The following PCMT1 variants were observed in gnomAD, a reference collection of about 807,000 sequenced individuals.
The protein encoded by PCMT1 is protein-L-isoaspartate(D-aspartate) O-methyltransferase.
Under a neutral mutation model 29.2 loss-of-function variants are expected in PCMT1, and 9 were observed. That is an observed-to-expected ratio of 0.31 (90% confidence interval 0.19 to 0.54). The LOEUF (loss-of-function observed/expected upper bound fraction) is 0.54. Ranked by LOEUF, PCMT1 falls within the 20% of genes least tolerant of loss-of-function variation. The probability of loss-of-function intolerance (pLI) is 0.95; values close to 1 mark genes in which losing one functional copy is unlikely to be tolerated. For synonymous variants in PCMT1, 98 were observed against 97.5 expected (o/e 1.00, Z -0.03); for missense variants, 184 against 282.2 (o/e 0.65, Z 2.49).
At chr6:149,806,849 C>T (rs1397037093) in intron 7 of PCMT1, among the ~76,000 whole-genome samples, 1 of 152,180 alleles carries the variant, frequency 6.6e-6, no homozygotes, top group East Asian at 1.9e-4. Context: ...ACCTCAGCCT[C>T]CCAAAGTGCT....
chr6:149,785,884 G>A (rs1356391765), intron 3 of PCMT1, among the ~76,000 whole-genome samples: 1 of 152,150 alleles, frequency 6.6e-6, no homozygotes, highest in East Asian at 1.9e-4. Flanking sequence ...CCACAAAGCC[G>A]CCATTGTCAT....
chr6:149,785,692 C>G (rs1788007677), intron 3 of PCMT1, among the ~76,000 whole-genome samples: 1 of 151,958 alleles, frequency 6.6e-6, no homozygotes, highest in Admixed American at 6.6e-5. Context: ...TGAGTGGACA[C>G]AGCACTTGTT....
rs11540596 is a variant in PCMT1, at chr6:149,771,221, C to A, written c.115C>A (p.His39Asn). 6.2e-7 allele frequency: 1 copy of A among 1,612,624 alleles called. No individual in the cohort carries two copies. Among genetic ancestry groups the A allele is most frequent in the Non-Finnish European group, 8.5e-7 (1 of 1,178,814 alleles). ...FEVMLATDRS[H>N]YAKCNPYMDS... is the part of the protein sequence containing the mutation. ...AGTGATGCTGGCTACAGACCGCTCC[C>A]ACTATGCAAAATGTAACCCATACAT... The change falls in exon 2 of 8, where the codon CAC (histidine) becomes AAC (asparagine). Residue 39 changes from histidine to asparagine, a missense_variant. Physicochemically the swap from His to Asn is moderately conservative, Grantham distance 68. Transcript: ENST00000464889.
chr6:149,804,532 G>T (rs1775950937), intron 7 of PCMT1, among the ~76,000 whole-genome samples: 1 of 151,766 alleles, frequency 6.6e-6, no homozygotes, highest in South Asian at 2.1e-4. Flanking sequence ...TTTTTTTTGA[G>T]ACGGAGTCCT....
intron 3 of PCMT1, 37 bp downstream of exon 3, chr6:149,773,206 A>G (rs1583023016): frequency 6.7e-7 from 1 of 1,503,508 alleles, no homozygotes; most frequent in Non-Finnish European, 9.2e-7. Flanking sequence ...CAAATGGATT[A>G]CATTTTTCTC....
At chr6:149,770,877 TAGTCC>T (rs1419979830) in intron 1 of PCMT1, among the ~76,000 whole-genome samples, 1 of 150,810 alleles carries the variant, frequency 6.6e-6, no homozygotes, top group Non-Finnish European at 1.5e-5. Context: ...CGGGCACCTG[TAGTCC>T]CAGCTACTCG....
In PCMT1 at chr6:149,773,317, A is replaced by C. The variant is rs1257334365; in HGVS notation, c.192+148A>C. The C allele has an allele frequency of 4.6e-6, 3 of 651,702 alleles. No individual in the cohort carries two copies. The Admixed American group carries it at 8.4e-5, about 18-fold the overall frequency. 40.4% of individuals were successfully genotyped at this position (651,702 alleles called of 1,614,324 possible). A position where few individuals can be genotyped will look rare whatever the true frequency, so the allele number is the denominator to read the frequency against. ...TAATGAACATCATTTTCTTTTTTGA[A>C]CATCTTATTCTTAATACAGGGTCTG... On this transcript the variant is annotated intron_variant, in intron 3 of 7. Coordinates refer to ENST00000464889, the MANE Select transcript of PCMT1 (RefSeq NM_001360452.2).
At chr6:149,769,154 T>C (rs1787206853) in intron 1 of PCMT1, among the ~76,000 whole-genome samples, 1 of 152,032 alleles carries the variant, frequency 6.6e-6, no homozygotes, top group Non-Finnish European at 1.5e-5. Flanking sequence ...ATTGGTTTGA[T>C]TGGTTTTTTT....
intron 3 of PCMT1, among the ~76,000 whole-genome samples, chr6:149,781,634 G>A (rs1787821531): frequency 6.6e-6 from 1 of 152,156 alleles, no homozygotes; most frequent in African/African-American, 2.4e-5. Context: ...GGGATTACAA[G>A]CACGAGCCAC....
At chr6:149,765,112 CA>C (rs1441073446) in intron 1 of PCMT1, among the ~76,000 whole-genome samples, 1 of 150,758 alleles carries the variant, frequency 6.6e-6, no homozygotes, top group Non-Finnish European at 1.5e-5. Flanking sequence ...GTAATCCTAG[CA>C]CTTTGGGAGG....
chr6:149,803,705 G>C (rs1412316452), intron 7 of PCMT1, among the ~76,000 whole-genome samples: 4 of 151,412 alleles, frequency 2.6e-5, no homozygotes, highest in African/African-American at 7.3e-5. Flanking sequence ...TAAGTAAAAG[G>C]GGTGATAATA....
At chr6:149,804,738 G>C (rs1256874278) in intron 7 of PCMT1, among the ~76,000 whole-genome samples, 1 of 152,034 alleles carries the variant, frequency 6.6e-6, no homozygotes, top group Non-Finnish European at 1.5e-5. Context: ...CTGACCTCAG[G>C]TGATCTGCCC....
At chr6:149,771,042 C>G (rs982242748) in intron 1 of PCMT1, 120 bp from the exon 2 acceptor site, 1 of 538,846 alleles carries the variant, frequency 1.9e-6, no homozygotes, top group Non-Finnish European at 3.2e-6. Flanking sequence ...TGGGCCATTA[C>G]AACAACTTCC....
intron 1 of PCMT1, among the ~76,000 whole-genome samples, chr6:149,758,520 CT>C (rs1288102754): frequency 1.3e-5 from 2 of 151,306 alleles, no homozygotes; most frequent in Non-Finnish European, 2.9e-5. Context: ...CAATTTTTTT[CT>C]TTTTTTTAAT....
chr6:149,804,915 A>G (rs1445987731), intron 7 of PCMT1, among the ~76,000 whole-genome samples: 1 of 152,030 alleles, frequency 6.6e-6, no homozygotes, highest in Non-Finnish European at 1.5e-5. Context: ...ACCTGAATCC[A>G]CCTTTGATAA....
At position 149,758,208 on chromosome 6, in the gene PCMT1, C is replaced by CTTTCTTT. The variant is rs1554251094; in HGVS notation, c.55+8255_55+8256insCTTTTTT. Among the ~76,000 whole-genome samples the CTTTCTTT allele has an allele frequency of 3.4e-4, 25 of 73,908 alleles. 2 individuals are homozygous for CTTTCTTT. The highest frequency in any genetic ancestry group is 3.0e-3 in the East Asian group (3 of 1,002). The allele number at this position is 73,908 out of a possible 152,430, so 48.5% of individuals were successfully genotyped here. ...CAATTTTTTTTTTCTTTCTTTCTTT[C>CTTTCTTT]TTTTTTTTTTTTTTTTTTCTGAGAC... is the stretch of plus-strand genomic sequence containing the variant. On this transcript the variant is annotated intron_variant, in intron 1 of 7. Coordinates refer to ENST00000464889, the MANE Select transcript of PCMT1 (RefSeq NM_001360452.2).
Position 149,799,314 on chromosome 6 carries a change from T to TA in PCMT1, c.504+2822dup, listed in dbSNP as rs200334222. ...AGGTGACAGAGAAAGACCCTGTCTCTAAAAAAAATAAAAGCTTCTAGAAAA... is the reference window on the plus strand; with the variant it reads ...AGGTGACAGAGAAAGACCCTGTCTCTAAAAAAAAATAAAAGCTTCTAGAAAA... On this transcript the variant is annotated intron_variant, in intron 6 of 7. Transcript: ENST00000464889. Among the ~76,000 whole-genome samples, 883 of 149,832 alleles carry TA rather than the reference T, an allele frequency of 5.9e-3. 15 individuals carry two copies. The highest frequency in any genetic ancestry group is 0.021 in the African/African-American group (829 of 39,688).
intron 6 of PCMT1, among the ~76,000 whole-genome samples, chr6:149,800,295 G>A (rs1004218749): frequency 3.9e-5 from 6 of 151,920 alleles, no homozygotes; most frequent in Admixed American, 6.6e-5. Flanking sequence ...TTGAAAGCCC[G>A]TCTCTATTAA....
chr6:149,770,237 G>T (rs1787255315), intron 1 of PCMT1, among the ~76,000 whole-genome samples: 1 of 152,124 alleles, frequency 6.6e-6, no homozygotes, highest in South Asian at 2.1e-4. Flanking sequence ...ATGATCTGAA[G>T]CCCCTAACTT....
Sources: allele counts gnomAD v4.1 joint callset (sites outside exome capture counted in the v4.1 genomes callset), GRCh38; gene constraint gnomAD v4.1.1; transcripts MANE v1.5; gene names NCBI Gene and HGNC (gene_info 2026-07-23, HGNC 2026-07-21).